Variants in USP7 observed in about 807,000 individuals in gnomAD.
The protein encoded by USP7 is ubiquitin specific peptidase 7.
In USP7, 9 loss-of-function variants were observed where a neutral mutation model predicts 162.9. The observed-to-expected ratio is 0.06, with a 90% CI of 0.03 to 0.10. USP7 has a LOEUF of 0.10. USP7 is among the 10% of genes least tolerant of loss of function. The pLI is 1.00. For synonymous variants in USP7, 562 were observed against 475.9 expected, an observed-to-expected ratio of 1.18 and a Z score of -2.35; for missense variants, 715 against 1,373.7, an observed-to-expected ratio of 0.52 and a Z score of 7.58.
chr16:8,924,840 A>C (rs1897902135), intron 2 of USP7, among the ~76,000 whole-genome samples: 1 of 152,228 alleles, frequency 6.6e-6, no homozygotes, highest in African/African-American at 2.4e-5. Context: ...TTCATCCCAA[A>C]TTATTTTATT....
chr16:8,897,726 A>AATATATATATATATATATATATATAT (rs1555461672), intron 25 of USP7, among the ~76,000 whole-genome samples: 1 of 7,136 alleles, frequency 1.4e-4, no homozygotes, highest in African/African-American at 5.6e-4. Flanking sequence ...AAAAAAAAAA[A>AATATATATATATATATATATATATAT]ATATATATAT....
chr16:8,940,196 T>A (rs1238366029), intron 1 of USP7, among the ~76,000 whole-genome samples: 2 of 152,202 alleles, frequency 1.3e-5, no homozygotes, highest in African/African-American at 2.4e-5. Flanking sequence ...CCCATCCTGC[T>A]GCCTATCTAC....
rs1555461632 is a variant in USP7, at chr16:8,897,698, C to CCAAA, written c.2719-600_2719-599insTTTG. On this transcript the variant is annotated intron_variant, in intron 25 of 30. Transcript: ENST00000344836. ...GCAATATAGTGAGACCCTGTCTCTA[C>CCAAA]AAAAAAAAAAAAAAAAAAAAAAAAA... Among the ~76,000 whole-genome samples the CCAAA allele has an allele frequency of 3.4e-4, 12 of 35,602 alleles. 2 individuals carry two copies. The highest frequency in any genetic ancestry group is 1.3e-3 in the African/African-American group (11 of 8,420). The allele number at this position is 35,602 out of a possible 152,430, so 23.4% of individuals were successfully genotyped here. A position where few individuals can be genotyped will look rare whatever the true frequency, so the allele number is the denominator to read the frequency against.
chr16:8,894,688 A>G, intron 29 of USP7, 48 bp from the exon 30 acceptor site: 1 of 1,612,222 alleles, frequency 6.2e-7, no homozygotes, highest in Non-Finnish European at 8.5e-7. Flanking sequence ...GTATATCAGC[A>G]AAACTCACAT....
chr16:8,894,521 C>G (rs898855707), intron 30 of USP7, 29 bp downstream of exon 30: 2 of 1,501,526 alleles, frequency 1.3e-6, no homozygotes. Context: ...GAAACCCACA[C>G]CAGCCCCCGG....
At chr16:8,912,919 G>A (rs754682286) in intron 10 of USP7, among the ~76,000 whole-genome samples, 1 of 152,090 alleles carries the variant, frequency 6.6e-6, no homozygotes, top group Non-Finnish European at 1.5e-5. Flanking sequence ...GACACTGCAG[G>A]CAATTAGTGA....
At chr16:8,901,891 C>T (rs556446813) in intron 18 of USP7, 191 bp downstream of exon 18, 107 of 596,926 alleles carry the variant, frequency 1.8e-4, no homozygotes, top group Non-Finnish European at 2.7e-4. Context: ...CTACTGTCTC[C>T]GGGCCTCACA....
At chr16:8,952,410 C>A (rs940718679) in intron 1 of USP7, among the ~76,000 whole-genome samples, 2 of 152,172 alleles carry the variant, frequency 1.3e-5, no homozygotes, top group Non-Finnish European at 2.9e-5. Context: ...CTCTGAAGGT[C>A]AGAAGTCTGA....
Position 8,897,004 on chromosome 16 carries a change from T to C in USP7, c.2814A>G (p.Lys938=). ...AVELGEKASG[K]LRLLEIVSYK... ...TGGGCTCAAGAAATACTTGCCTAAGTTTCCCTGATGCTTTCTCCCCAAGCT... is the reference window on the plus strand; with the variant it reads ...TGGGCTCAAGAAATACTTGCCTAAGCTTCCCTGATGCTTTCTCCCCAAGCT... The change falls in exon 26 of 31, where the codon AAA becomes AAG. Residue 938 remains lysine, a synonymous_variant. Coordinates refer to ENST00000344836, the MANE Select transcript of USP7 (RefSeq NM_003470.3). 4 of 1,613,554 alleles carry C rather than the reference T, an allele frequency of 2.5e-6. No individual in the cohort carries two copies. The highest frequency in any genetic ancestry group is 3.4e-6 in the Non-Finnish European group (4 of 1,179,428).
intron 1 of USP7, among the ~76,000 whole-genome samples, chr16:8,931,774 G>T (rs1289734037): frequency 6.6e-6 from 1 of 152,158 alleles, no homozygotes; most frequent in African/African-American, 2.4e-5. Context: ...AATCACAGCA[G>T]GACTTTTAGG....
At chr16:8,913,568 ATGTCTTTCACAAC>A (rs2061983247) in intron 10 of USP7, among the ~76,000 whole-genome samples, 2 of 152,060 alleles carry the variant, frequency 1.3e-5, no homozygotes, top group Non-Finnish European at 2.9e-5. Flanking sequence ...CCGAGTTAAA[ATGTCTTTCACAAC>A]TGCAGATGAA....
chr16:8,903,780 T>C (rs2061815348), intron 15 of USP7, among the ~76,000 whole-genome samples: 1 of 149,550 alleles, frequency 6.7e-6, no homozygotes, highest in African/African-American at 2.5e-5. Flanking sequence ...GGCAGGAGAA[T>C]CACTTGAATC....
chr16:8,955,270 G>C (rs531154251), intron 1 of USP7, among the ~76,000 whole-genome samples: 7 of 152,150 alleles, frequency 4.6e-5, no homozygotes, highest in Admixed American at 3.3e-4. Context: ...GACAGTATTG[G>C]GGCCAGTGTC....
chr16:8,950,503 A>AC (rs1267118790), intron 1 of USP7, among the ~76,000 whole-genome samples: 1 of 152,164 alleles, frequency 6.6e-6, no homozygotes, highest in Non-Finnish European at 1.5e-5. Flanking sequence ...CAGACCCCTT[A>AC]CCCCAAGGCA....
At position 8,900,519 on chromosome 16, in the gene USP7, A is replaced by G. The variant is rs2061758040; in HGVS notation, c.2309+11T>C. ...AGTACAAAGTGATACAATCCTTCAC[A>G]AAGTACATACTTCTGAAATACTATG... On this transcript the variant is annotated intron_variant, in intron 21 of 30. Transcript: ENST00000344836. The G allele has an allele frequency of 6.4e-7, 1 of 1,573,096 alleles. No individual in the cohort carries two copies. Among genetic ancestry groups the G allele is most frequent in the Non-Finnish European group, 8.6e-7 (1 of 1,158,820 alleles).
chr16:8,930,707 G>A (rs12448024), intron 1 of USP7, among the ~76,000 whole-genome samples: 96,966 of 152,138 alleles, frequency 0.64, 33,851 homozygotes, highest in East Asian at 0.87. Flanking sequence ...GGTGGCTCAT[G>A]CCTGTAATCC....
At position 8,905,697 on chromosome 16, in the gene USP7, G is replaced by T. The variant is rs550966863; in HGVS notation, c.1429-366C>A. Among the ~76,000 whole-genome samples the T allele has an allele frequency of 2.6e-5, 4 of 152,250 alleles. 1 individual carries two copies. The highest frequency in any genetic ancestry group is 7.2e-5 in the African/African-American group (3 of 41,544). On this transcript the variant is annotated intron_variant, in intron 13 of 30. Transcript: ENST00000344836. ...AAAGGCCATACTGAGCACACCAAAC[G>T]AGAGTTCAAATTTTATCCTTTAGTT...
intron 1 of USP7, chr16:8,962,533 G>C (rs1213505506): frequency 7.0e-5 from 31 of 444,532 alleles, no homozygotes; most frequent in South Asian, 4.6e-4. Flanking sequence ...GCTTTCGCAC[G>C]GTTGCAAGCG....
intron 7 of USP7, among the ~76,000 whole-genome samples, 185 bp downstream of exon 7, chr16:8,916,841 G>A (rs1250070088): frequency 6.6e-6 from 1 of 152,068 alleles, no homozygotes; most frequent in East Asian, 1.9e-4. Context: ...ACAACAAAGT[G>A]TCTATTTCCA....
Sources: gnomAD v4.1 joint callset for allele counts (sites outside exome capture counted in the v4.1 genomes callset) on GRCh38, gnomAD v4.1.1 for gene constraint, MANE v1.5 for transcripts, NCBI Gene and HGNC (gene_info 2026-07-23, HGNC 2026-07-21) for gene names.